Variants in EXOSC3 observed in about 807,000 individuals in gnomAD.
The protein encoded by EXOSC3 is exosome complex component RRP40.
A neutral mutation model predicts 25.1 loss-of-function variants in EXOSC3; 18 were observed. That is an observed-to-expected ratio of 0.72 (90% CI 0.50 to 1.06). EXOSC3 has a LOEUF of 1.06. Among genes scored for constraint, EXOSC3 ranks in the 50% least tolerant of loss-of-function variants. The probability of loss-of-function intolerance (pLI) is 0.00; values close to 1 mark genes in which losing one functional copy is unlikely to be tolerated. For synonymous variants in EXOSC3, 165 were observed against 132.2 expected, an observed-to-expected ratio of 1.25 and a Z score of -1.70; for missense variants, 382 against 350.9, an observed-to-expected ratio of 1.09 and a Z score of -0.71.
intron 3 of EXOSC3, chr9:37,781,728 T>C: frequency 2.5e-6 from 1 of 406,404 alleles, no homozygotes; most frequent in Non-Finnish European, 4.4e-6. Context: ...GGAAGGAAGA[T>C]ATGAATACAG....
Position 37,780,134 on chromosome 9 carries a change from A to G in EXOSC3, c.*545T>C, listed in dbSNP as rs542894858. ...ACTATAATTTCAATTTGATGAATAT[A>G]GAGAATGTAGGCCAAGTTAAATTCT... is the stretch of plus-strand genomic sequence containing the variant. On this transcript the variant is annotated 3_prime_UTR_variant, in exon 4 of 4. Transcript: ENST00000327304. 3.3e-5 allele frequency: 5 copies of G among 153,080 alleles called. No homozygotes were observed. The highest frequency in any genetic ancestry group is 1.2e-4 in the African/African-American group (5 of 41,604). 9.5% of individuals were successfully genotyped at this position (153,080 alleles called of 1,614,324 possible). A position where few individuals can be genotyped will look rare whatever the true frequency, so the allele number is the denominator to read the frequency against.
rs1296865764 is a variant in EXOSC3, at chr9:37,783,956, CAAGT to C, written c.428_431del (p.Tyr143CysfsTer59). 4.3e-6 allele frequency: 7 copies of C among 1,613,116 alleles called. No individual in the cohort carries two copies. Among genetic ancestry groups the C allele is most frequent in the Admixed American group, 1.7e-5 (1 of 59,918 alleles). On this transcript the variant is annotated frameshift_variant, in exon 2 of 4. Coordinates refer to ENST00000327304, the MANE Select transcript of EXOSC3 (RefSeq NM_016042.4). LOFTEE classifies it high-confidence loss of function. ...TTCTTTTAGTTGCACCTTCAAATGA[CAAGT>C]AAGACAAAGAAGCTGGCTCACTCCC...
Position 37,781,986 on chromosome 9 carries a change from T to TTTCTAA in EXOSC3, c.620_625dup (p.Ile207_Arg208dup). 1 of 1,612,660 alleles carries TTTCTAA rather than the reference T, an allele frequency of 6.2e-7. No homozygotes were observed. Among genetic ancestry groups the TTTCTAA allele is most frequent in the East Asian group, 2.2e-5 (1 of 44,884 alleles). On this transcript the variant is annotated inframe_insertion and splice_region_variant, in exon 3 of 4. Coordinates refer to ENST00000327304, the MANE Select transcript of EXOSC3 (RefSeq NM_016042.4). ...CAAGCCAGCAGACATCAGGACTTAC[T>TTTCTAA]TTCTAATTAAGCCCAGAGTCACTTT...
chr9:37,779,942 A>G lies in EXOSC3; in HGVS notation c.*737T>C, dbSNP rs1039225856. Reference sequence around the variant, plus strand: ...GCTCCTAGGAAATGATTTTAGCAAAATAAGACTTGGCCAGATTTGGATTCA... The same window carrying G: ...GCTCCTAGGAAATGATTTTAGCAAAGTAAGACTTGGCCAGATTTGGATTCA... On this transcript the variant is annotated 3_prime_UTR_variant, in exon 4 of 4. Coordinates refer to ENST00000327304, the MANE Select transcript of EXOSC3 (RefSeq NM_016042.4). The G allele has an allele frequency of 6.6e-6, 1 of 152,192 alleles. No individual in the cohort carries two copies. Among genetic ancestry groups the G allele is most frequent in the Non-Finnish European group, 1.5e-5 (1 of 68,028 alleles). 9.4% of individuals were successfully genotyped at this position (152,192 alleles called of 1,614,324 possible).
chr9:37,783,947 T>C lies in EXOSC3; in HGVS notation c.441A>G (p.Glu147=), dbSNP rs1044852285. ...EPASLSYLSF[E]GATKRNRPNV... is the part of the protein sequence containing the mutation. ...TTGGTCTGTTTCTTTTAGTTGCACC[T>C]TCAAATGACAAGTAAGACAAAGAAG... Residue 147 remains glutamate, a synonymous_variant, in exon 2 of 4, where the codon GAA becomes GAG. Coordinates refer to ENST00000327304, the MANE Select transcript of EXOSC3 (RefSeq NM_016042.4). 6.2e-7 allele frequency: 1 copy of C among 1,612,772 alleles called. No homozygotes were observed. Among genetic ancestry groups the C allele is most frequent in the African/African-American group, 1.3e-5 (1 of 74,874 alleles).
Position 37,780,476 on chromosome 9 carries a change from T to C in EXOSC3, c.*203A>G, listed in dbSNP as rs1340112060. The C allele has an allele frequency of 7.2e-6, 4 of 557,478 alleles. No homozygotes were observed. The Admixed American group carries it at 9.9e-5, about 14-fold the overall frequency. 34.5% of individuals were successfully genotyped at this position (557,478 alleles called of 1,614,324 possible). A position where few individuals can be genotyped will look rare whatever the true frequency, so the allele number is the denominator to read the frequency against. On this transcript the variant is annotated 3_prime_UTR_variant, in exon 4 of 4. Transcript: ENST00000327304. The stretch of plus-strand genomic sequence containing the variant: ...AATACTGTTTTTTAGTAAACTTTAT[T>C]GTACCGAACAAAAAAAATGATTTTG...
chr9:37,780,816 A>C lies in EXOSC3; in HGVS notation c.691T>G (p.Phe231Val), dbSNP rs374094769. The part of the protein sequence containing the change: ...VGKLYPLEIV[F>V]GMNGRIWVKA... ...ACCCATATTCTTCCATTCATTCCAA[A>C]TACTATCTCCAGTGGATAGAGTTTT... The change falls in exon 4 of 4, where the codon TTT (phenylalanine) becomes GTT (valine). Residue 231 changes from phenylalanine (F) to valine (V), a missense_variant. Transcript: ENST00000327304. The C allele has an allele frequency of 2.5e-6, 4 of 1,613,766 alleles. No homozygotes were observed. The highest frequency in any genetic ancestry group is 3.4e-6 in the Non-Finnish European group (4 of 1,179,896).
chr9:37,780,401 A>G lies in EXOSC3; in HGVS notation c.*278T>C, dbSNP rs566678720. 8.5e-5 allele frequency: 29 copies of G among 340,424 alleles called. No individual in the cohort carries two copies. Among genetic ancestry groups the G allele is most frequent in the African/African-American group, 5.4e-4 (25 of 46,560 alleles). 21.1% of individuals were successfully genotyped at this position (340,424 alleles called of 1,614,324 possible). ...TTATTTTACTGCTGACCTCCAGTTA[A>G]TTATGGAAGCTGTAGCAATTACTAA... On this transcript the variant is annotated 3_prime_UTR_variant, in exon 4 of 4. Coordinates refer to ENST00000327304, the MANE Select transcript of EXOSC3 (RefSeq NM_016042.4).
At chr9:37,781,706 G>C (rs984445034) in intron 3 of EXOSC3, 1 of 319,132 alleles carries the variant, frequency 3.1e-6, no homozygotes. Context: ...AGTCAAATAA[G>C]CAACAGGCCT....
At chr9:37,781,179 A>G (rs1015771339) in intron 3 of EXOSC3, among the ~76,000 whole-genome samples, 5 of 152,052 alleles carry the variant, frequency 3.3e-5, no homozygotes, top group Middle Eastern at 3.2e-3. Context: ...ACTGGGAATC[A>G]TAACTTTTTT....
chr9:37,782,546 T>C (rs749252701), intron 2 of EXOSC3, among the ~76,000 whole-genome samples: 7 of 152,186 alleles, frequency 4.6e-5, no homozygotes, highest in Non-Finnish European at 7.3e-5. Flanking sequence ...AGCATCACTG[T>C]AGAAAGTTAT....
rs139471659 is a variant in EXOSC3 at position 37,781,822 on chromosome 9, T to A, written c.626+164A>T. The A allele has an allele frequency of 5.8e-3, 4,240 of 726,440 alleles. 20 individuals carry two copies. The highest frequency in any genetic ancestry group is 8.0e-3 in the Non-Finnish European group (3,639 of 455,914). 45.0% of individuals were successfully genotyped at this position (726,440 alleles called of 1,614,324 possible). A position where few individuals can be genotyped will look rare whatever the true frequency, so the allele number is the denominator to read the frequency against. Reference sequence around the variant, plus strand: ...TGAATTTGATATGTTTCCAAGAAGATAGGATTAAATTCATGAGTTTCCAAA... The same window carrying A: ...TGAATTTGATATGTTTCCAAGAAGAAAGGATTAAATTCATGAGTTTCCAAA... On this transcript the variant is annotated intron_variant, in intron 3 of 3. Transcript: ENST00000327304.
rs371885660 is a variant in EXOSC3 at position 37,784,746 on chromosome 9, T to G, written c.299A>C (p.Tyr100Ser). The change falls in exon 1 of 4, where the codon TAC becomes TCC. Residue 100 changes from tyrosine to serine, a missense_variant. Coordinates refer to ENST00000327304, the MANE Select transcript of EXOSC3 (RefSeq NM_016042.4). ...CCGCTTCTGCTGAGAGTCCACCCAGTAAACACCGCCGCCGCTGCCACTGCC... is the reference window on the plus strand; with the variant it reads ...CCGCTTCTGCTGAGAGTCCACCCAGGAAACACCGCCGCCGCTGCCACTGCC... ...EPGSGSGGGV[Y>S]WVDSQQKRYV... is the part of the protein sequence containing the mutation. 4 of 1,600,726 alleles carry G rather than the reference T, an allele frequency of 2.5e-6. No homozygotes were observed. The African/African-American group carries it at 5.3e-5, about 21-fold the overall frequency.
In EXOSC3 at chr9:37,780,510, TTC is replaced by T. The variant is rs1367561215; in HGVS notation, c.*167_*168del. 5.0e-6 allele frequency: 3 copies of T among 605,702 alleles called. No homozygotes were observed. The highest frequency in any genetic ancestry group is 8.6e-6 in the Non-Finnish European group (3 of 348,524). 37.5% of individuals were successfully genotyped at this position (605,702 alleles called of 1,614,324 possible). A position where few individuals can be genotyped will look rare whatever the true frequency, so the allele number is the denominator to read the frequency against. ...CAAAAAAAATGATTTTGCAATGATT[TTC>T]TCTCCCACAAAAGCGTGGGTGAAAA... On this transcript the variant is annotated 3_prime_UTR_variant, in exon 4 of 4. Transcript: ENST00000327304.
chr9:37,782,220 C>A (rs1168756800), intron 2 of EXOSC3, 83 bp from the exon 3 acceptor site: 18 of 1,441,488 alleles, frequency 1.2e-5, no homozygotes, highest in Non-Finnish European at 1.7e-5. Flanking sequence ...GGCATCAATG[C>A]CAGCCACCTA....
chr9:37,784,247 T>G, intron 1 of EXOSC3, 184 bp from the exon 2 acceptor site: 1 of 609,000 alleles, frequency 1.6e-6, no homozygotes, highest in Non-Finnish European at 2.8e-6. Flanking sequence ...GTCTGTTAAT[T>G]GAGTCCAAAC....
chr9:37,782,197 G>T (rs998442693), intron 2 of EXOSC3, 60 bp from the exon 3 acceptor site: 2 of 1,580,302 alleles, frequency 1.3e-6, no homozygotes, highest in African/African-American at 2.7e-5. Context: ...GCTACTATTG[G>T]TTCTTTCTCA....
rs1294998925 is a variant in EXOSC3 at position 37,784,784 on chromosome 9, A to T, written c.261T>A (p.Arg87=). The part of the protein sequence containing the change: ...RLLVTKCGRL[R]HKEPGSGSGG... ...CGCTGCCACTGCCGGGCTCCTTGTG[A>T]CGGAGGCGGCCGCACTTGGTGACCA... Residue 87 remains arginine, a synonymous_variant, in exon 1 of 4, where the codon CGT becomes CGA. Transcript: ENST00000327304. 1.2e-5 allele frequency: 19 copies of T among 1,607,658 alleles called. No homozygotes were observed. Among genetic ancestry groups the T allele is most frequent in the Non-Finnish European group, 1.6e-5 (19 of 1,178,896 alleles).
intron 2 of EXOSC3, 51 bp downstream of exon 2, chr9:37,783,863 T>A (rs1564014919): frequency 6.3e-7 from 1 of 1,585,790 alleles, no homozygotes; most frequent in Non-Finnish European, 8.6e-7. Context: ...TATGTGAGTG[T>A]TCTAGGGAAT....
Sources: gnomAD v4.1 joint callset for allele counts (sites outside exome capture counted in the v4.1 genomes callset) on GRCh38, gnomAD v4.1.1 for gene constraint, MANE v1.5 for transcripts, NCBI Gene and HGNC (gene_info 2026-07-23, HGNC 2026-07-21) for gene names.